Variants in COMMD1 observed in about 807,000 individuals in gnomAD.
The protein encoded by COMMD1 is copper metabolism domain containing 1.
A neutral mutation model predicts 17.2 loss-of-function variants in COMMD1; 10 were observed. That is an observed-to-expected ratio of 0.58 (90% CI 0.36 to 0.99). The LOEUF (loss-of-function observed/expected upper bound fraction) is 0.99. COMMD1 is among the 50% of genes least tolerant of loss of function. The pLI, the probability that COMMD1 is intolerant of heterozygous loss-of-function variation, is 0.01. For synonymous variants in COMMD1, 97 were observed against 91.6 expected (o/e 1.06, Z -0.34); for missense variants, 270 against 231.8 (o/e 1.17, Z -1.07).
intron 2 of COMMD1, among the ~76,000 whole-genome samples, chr2:62,103,009 C>T (rs1672228185): frequency 6.7e-6 from 1 of 148,470 alleles, no homozygotes; most frequent in Non-Finnish European, 1.5e-5. Flanking sequence ...GACGGAGGCT[C>T]GCTCTGTTGC....
intron 1 of COMMD1, among the ~76,000 whole-genome samples, chr2:61,986,930 A>G (rs1672121643): frequency 6.6e-6 from 1 of 151,780 alleles, no homozygotes; most frequent in South Asian, 2.1e-4. Flanking sequence ...CAAGCTCACT[A>G]ATTCTTTCTT....
At chr2:61,891,010 AT>A (rs999467328) in intron 1 of COMMD1, among the ~76,000 whole-genome samples, 1 of 152,200 alleles carries the variant, frequency 6.6e-6, no homozygotes, top group African/African-American at 2.4e-5. Flanking sequence ...AAATGCATTA[AT>A]TTTGGGATGT....
chr2:62,012,038 A>G (rs1228394272), intron 2 of COMMD1, among the ~76,000 whole-genome samples: 1 of 152,078 alleles, frequency 6.6e-6, no homozygotes, highest in African/African-American at 2.4e-5. Flanking sequence ...ATTTGAGGTC[A>G]GGAGTTTGAG....
At chr2:62,032,690 C>T (rs1289627036) in intron 2 of COMMD1, among the ~76,000 whole-genome samples, 1 of 152,158 alleles carries the variant, frequency 6.6e-6, no homozygotes, top group African/African-American at 2.4e-5. Context: ...TTCCCCCTTG[C>T]TGCTCTTTTT....
chr2:61,941,002 C>T (rs1019503861), intron 1 of COMMD1, among the ~76,000 whole-genome samples: 9 of 150,310 alleles, frequency 6.0e-5, no homozygotes, highest in East Asian at 4.0e-4. Flanking sequence ...TGAATTCTTT[C>T]GCTCCCTTTT....
chr2:62,078,569 G>T (rs796339933), intron 2 of COMMD1, among the ~76,000 whole-genome samples: 1,751 of 84,952 alleles, frequency 0.021, 41 homozygotes, highest in African/African-American at 0.075. Context: ...AAAAAAAAAA[G>T]AAAAGAAAAA....
chr2:61,979,522 C>A (rs1350263860), intron 1 of COMMD1, among the ~76,000 whole-genome samples: 1 of 152,050 alleles, frequency 6.6e-6, no homozygotes, highest in Non-Finnish European at 1.5e-5. Flanking sequence ...TCAGCAATCC[C>A]ACTGCTAGGT....
At chr2:61,911,525 G>A (rs1208893927) in intron 1 of COMMD1, among the ~76,000 whole-genome samples, 1 of 152,122 alleles carries the variant, frequency 6.6e-6, no homozygotes, top group Non-Finnish European at 1.5e-5. Flanking sequence ...AGGCTGGAGC[G>A]CAGTGGTGCA....
chr2:62,127,889 G>A (rs1672925444), intron 2 of COMMD1, among the ~76,000 whole-genome samples: 1 of 150,060 alleles, frequency 6.7e-6, no homozygotes, highest in African/African-American at 2.5e-5. Context: ...AGGCATGGTG[G>A]CACATGCCTG....
chr2:62,014,542 CTTTTTTTTTTTTTTTTTTTTTTTTT>C (rs67886279), intron 2 of COMMD1, among the ~76,000 whole-genome samples: 1 of 63,534 alleles, frequency 1.6e-5, no homozygotes, highest in African/African-American at 7.1e-5. Flanking sequence ...CCATTTTAAC[CTTTTTTTTTTTTTTTTTTTTTTTTT>C]TTTTTTTTTT....
chr2:62,005,895 C>T (rs543852972), intron 2 of COMMD1, among the ~76,000 whole-genome samples: 16 of 151,528 alleles, frequency 1.1e-4, no homozygotes, highest in East Asian at 5.8e-4. Context: ...CACATGCACA[C>T]GTATGTTTAC....
rs144687207 is a variant in COMMD1 at position 61,905,727 on chromosome 2, A to C, written c.49A>C (p.Asn17His). The change falls in exon 1 of 3, where the codon AAT becomes CAT. Residue 17 changes from asparagine to histidine, a missense_variant. Coordinates refer to ENST00000311832, the MANE Select transcript of COMMD1 (RefSeq NM_152516.4). ...TGGCAAACCCCTGAGCGGGCTGCTG[A>C]ATGCGCTGGCCCAGGACACTTTCCA... ...EGGKPLSGLL[N>H]ALAQDTFHGY... 9.9e-5 allele frequency: 159 copies of C among 1,610,768 alleles called. No individual in the cohort carries two copies. In the African/African-American group the frequency reaches 1.9e-3, roughly 20 times the overall value.
intron 2 of COMMD1, among the ~76,000 whole-genome samples, chr2:62,116,927 G>A (rs1483296541): frequency 3.3e-5 from 5 of 151,468 alleles, no homozygotes; most frequent in Non-Finnish European, 5.9e-5. Flanking sequence ...CCCAGGAGGC[G>A]GAGGTTGTGG....
chr2:62,072,382 C>G (rs1671221092), intron 2 of COMMD1, among the ~76,000 whole-genome samples: 2 of 152,106 alleles, frequency 1.3e-5, no homozygotes, highest in Non-Finnish European at 2.9e-5. Context: ...CATTCTGAGC[C>G]CATAAAAACC....
chr2:62,050,320 A>G (rs939224704), intron 2 of COMMD1, among the ~76,000 whole-genome samples: 1 of 152,250 alleles, frequency 6.6e-6, no homozygotes, highest in African/African-American at 2.4e-5. Flanking sequence ...TAAAAGTGAC[A>G]TAACTAATGT....
chr2:61,997,773 G>C (rs1481369557), intron 1 of COMMD1, among the ~76,000 whole-genome samples: 3 of 152,150 alleles, frequency 2.0e-5, no homozygotes, highest in Non-Finnish European at 4.4e-5. Context: ...AGCTGCGTTA[G>C]CCCCTAACAA....
chr2:62,016,658 C>T (rs528449513), intron 2 of COMMD1, among the ~76,000 whole-genome samples: 1 of 152,054 alleles, frequency 6.6e-6, no homozygotes, highest in South Asian at 2.1e-4. Context: ...TATTTTCTCC[C>T]GGTCTGGGTT....
At chr2:62,048,213 C>A (rs373795246) in intron 2 of COMMD1, among the ~76,000 whole-genome samples, 1 of 137,698 alleles carries the variant, frequency 7.3e-6, no homozygotes, top group Non-Finnish European at 1.5e-5. Context: ...GATGGAGTCT[C>A]GCTCTGTCGC....
At position 62,135,966 on chromosome 2, in the gene COMMD1, T is replaced by C; in HGVS notation, c.*25T>C. On this transcript the variant is annotated 3_prime_UTR_variant, in exon 3 of 3. Transcript: ENST00000311832. ...AAGATGATGTATGAAGGAGTTGGAG[T>C]TGTTGAAACCAAGGTGTCCATGATC... 1 of 1,239,094 alleles carries C rather than the reference T, an allele frequency of 8.1e-7. No individual in the cohort carries two copies. The highest frequency in any genetic ancestry group is 1.2e-6 in the Non-Finnish European group (1 of 837,880). 76.8% of individuals were successfully genotyped at this position (1,239,094 alleles called of 1,614,324 possible). A position where few individuals can be genotyped will look rare whatever the true frequency, so the allele number is the denominator to read the frequency against.
Sources: gnomAD v4.1 joint callset for allele counts (sites outside exome capture counted in the v4.1 genomes callset) on GRCh38, gnomAD v4.1.1 for gene constraint, MANE v1.5 for transcripts, NCBI Gene and HGNC (gene_info 2026-07-23, HGNC 2026-07-21) for gene names.